The following RNF214 variants were observed in gnomAD, a reference collection of about 807,000 sequenced individuals.
The protein encoded by RNF214 is ring finger protein 214.
Under a neutral mutation model 75.9 loss-of-function variants are expected in RNF214, and 25 were observed. The ratio of observed to expected loss-of-function variants is 0.33; its 90% CI spans 0.24 to 0.46. RNF214 has a LOEUF of 0.46. RNF214 is among the 20% of genes least tolerant of loss of function. RNF214 has a pLI of 1.00. For synonymous variants in RNF214, 314 were observed against 308.8 expected, an observed-to-expected ratio of 1.02 and a Z score of -0.18; for missense variants, 725 against 857.5, an observed-to-expected ratio of 0.85 and a Z score of 1.93.
chr11:117,271,818 G>T (rs1297055388), intron 6 of RNF214, among the ~76,000 whole-genome samples: 1 of 151,870 alleles, frequency 6.6e-6, no homozygotes, highest in Admixed American at 6.6e-5. Flanking sequence ...GTGTTTTTTT[G>T]TTGTTGTTGT....
chr11:117,261,026 C>T (rs1056941586), intron 6 of RNF214, among the ~76,000 whole-genome samples: 2 of 151,684 alleles, frequency 1.3e-5, no homozygotes, highest in Admixed American at 6.6e-5. Flanking sequence ...ACCCTTAAAC[C>T]TTTTATTTCT....
rs1039075067 is a variant in RNF214, at chr11:117,282,197, C to T, written c.1639C>T (p.Pro547Ser). The change falls in exon 11 of 15, where the codon CCC becomes TCC. Residue 547 changes from proline to serine, a missense_variant. By Grantham distance (74) the Pro-to-Ser change is moderately conservative (BLOSUM62 -1). Transcript: ENST00000300650. ...LGGVKASAET[P>S]RPQPVDKLEK... ...CGGTGTTAAGGCTTCTGCTGAAACT[C>T]CCCGGCCCCAACCAGTAGACAAACT... The T allele has an allele frequency of 1.9e-6, 3 of 1,613,486 alleles. No homozygotes were observed. Among genetic ancestry groups the T allele is most frequent in the Admixed American group, 1.7e-5 (1 of 59,970 alleles).
At chr11:117,238,065 G>A (rs563563231) in intron 2 of RNF214, among the ~76,000 whole-genome samples, 1 of 151,992 alleles carries the variant, frequency 6.6e-6, no homozygotes, top group East Asian at 1.9e-4. Context: ...ATTAAAATTG[G>A]CACTCAAAAA....
intron 5 of RNF214, among the ~76,000 whole-genome samples, chr11:117,246,571 A>C (rs927663064): frequency 1.3e-4 from 20 of 152,238 alleles, no homozygotes; most frequent in African/African-American, 4.8e-4. Flanking sequence ...ATTTTTGAAC[A>C]ATTGCGATTG....
chr11:117,240,425 C>T (rs1182826530), intron 4 of RNF214, among the ~76,000 whole-genome samples: 15 of 150,042 alleles, frequency 1.0e-4, no homozygotes, highest in African/African-American at 1.7e-4. Flanking sequence ...CAGTGGCTCA[C>T]GCCTGTAATC....
At chr11:117,234,475 C>A in intron 2 of RNF214, 96 bp downstream of exon 2, 2 of 812,806 alleles carry the variant, frequency 2.5e-6, no homozygotes, top group Admixed American at 2.0e-5. Context: ...TCTGATGGCA[C>A]TGCACTAGCT....
chr11:117,277,172 G>A (rs2034030929), intron 6 of RNF214, among the ~76,000 whole-genome samples: 1 of 151,728 alleles, frequency 6.6e-6, no homozygotes, highest in Non-Finnish European at 1.5e-5. Flanking sequence ...GCAAAACCCT[G>A]TTTCTACTAA....
At chr11:117,275,814 A>G (rs577482709) in intron 6 of RNF214, among the ~76,000 whole-genome samples, 4 of 152,334 alleles carry the variant, frequency 2.6e-5, no homozygotes, top group South Asian at 2.1e-4. Context: ...CAGACATTCA[A>G]AGAACTGATA....
At chr11:117,274,079 G>T (rs1336946215) in intron 6 of RNF214, among the ~76,000 whole-genome samples, 1 of 152,160 alleles carries the variant, frequency 6.6e-6, no homozygotes, top group Non-Finnish European at 1.5e-5. Context: ...CTGACCTCAT[G>T]ATAAACACTG....
chr11:117,279,817 C>T, intron 6 of RNF214, 91 bp from the exon 7 acceptor site: 1 of 825,896 alleles, frequency 1.2e-6, no homozygotes. Context: ...ACATACTTGG[C>T]TGACCAATTT....
At chr11:117,285,033 C>T in intron 14 of RNF214, 53 bp from the exon 15 acceptor site, 1 of 1,323,194 alleles carries the variant, frequency 7.6e-7, no homozygotes, top group Non-Finnish European at 1.1e-6. Context: ...TTCTCTCCTT[C>T]CTTCCCTTTG....
At chr11:117,256,925 C>T (rs1206485567) in intron 6 of RNF214, among the ~76,000 whole-genome samples, 1 of 152,126 alleles carries the variant, frequency 6.6e-6, no homozygotes, top group African/African-American at 2.4e-5. Context: ...AAAAGTTACA[C>T]AAATAAGAGA....
intron 6 of RNF214, among the ~76,000 whole-genome samples, chr11:117,260,437 G>A (rs889585059): frequency 6.6e-6 from 1 of 152,192 alleles, no homozygotes; most frequent in African/African-American, 2.4e-5. Flanking sequence ...CCAAATGACG[G>A]TATGAGTCAC....
intron 6 of RNF214, among the ~76,000 whole-genome samples, chr11:117,248,556 GATA>G (rs2033289754): frequency 1.3e-5 from 2 of 152,222 alleles, no homozygotes; most frequent in African/African-American, 4.8e-5. Flanking sequence ...GAGTCTCCAA[GATA>G]ATAATTGTGA....
chr11:117,244,376 G>C (rs2033156691), intron 4 of RNF214, 69 bp from the exon 5 acceptor site: 1 of 1,332,172 alleles, frequency 7.5e-7, no homozygotes, highest in South Asian at 1.2e-5. Flanking sequence ...CAATGCCTTG[G>C]ACAGGCACTG....
intron 5 of RNF214, 23 bp downstream of exon 5, chr11:117,244,608 G>A (rs1221902680): frequency 2.5e-6 from 4 of 1,571,480 alleles, no homozygotes; most frequent in African/African-American, 1.4e-5. Context: ...TATTGAAATT[G>A]TCAATGAGTT....
Position 117,256,436 on chromosome 11 carries a change from C to T in RNF214, c.959+9488C>T, listed in dbSNP as rs1015267001. 1.7e-4 allele frequency among the ~76,000 whole-genome samples: 26 copies of T among 152,240 alleles called. No individual in the cohort carries two copies. The South Asian group carries it at 2.5e-3, about 15-fold the overall frequency. On this transcript the variant is annotated intron_variant, in intron 6 of 14. Coordinates refer to ENST00000300650, the MANE Select transcript of RNF214 (RefSeq NM_207343.4). ...TTGTTTGGAGTCATTCATGTGGCTC[C>T]GGTCAGGTTGTGGCTGGGGCTAGGA...
At chr11:117,258,290 A>G (rs1328961212) in intron 6 of RNF214, among the ~76,000 whole-genome samples, 1 of 151,896 alleles carries the variant, frequency 6.6e-6, no homozygotes, top group Non-Finnish European at 1.5e-5. Context: ...GATGGTCTCA[A>G]TCTCTTGATG....
rs2034137544 is a variant in RNF214, at chr11:117,282,026, A to C, written c.1468A>C (p.Asn490His). The C allele has an allele frequency of 6.2e-7, 1 of 1,613,852 alleles. No homozygotes were observed. Among genetic ancestry groups the C allele is most frequent in the East Asian group, 2.2e-5 (1 of 44,842 alleles). Residue 490 changes from asparagine to histidine, a missense_variant, in exon 11 of 15, where the codon AAC (asparagine) becomes CAC (histidine). Asn to His is a moderately conservative substitution (Grantham distance 68). Transcript: ENST00000300650. ...DPRSLSFPIL[N>H]PALSQPSQPS... ...CCGCTCCTTGTCTTTCCCAATCCTG[A>C]ACCCTGCCCTTTCCCAGCCCAGCCA...
Sources: allele counts gnomAD v4.1 joint callset (sites outside exome capture counted in the v4.1 genomes callset), GRCh38; gene constraint gnomAD v4.1.1; transcripts MANE v1.5; gene names NCBI Gene and HGNC (gene_info 2026-07-23, HGNC 2026-07-21).